DLG2: variants seen among roughly 807,000 people sequenced by gnomAD.
The protein encoded by DLG2 is disks large homolog 2.
Under a neutral mutation model 132.5 loss-of-function variants are expected in DLG2, and 45 were observed. That is an observed-to-expected ratio of 0.34 (90% CI 0.27 to 0.44). The LOEUF is 0.44. DLG2 is among the 20% of genes least tolerant of loss of function. The pLI is 1.00. For missense variants in DLG2, 1,045 were observed against 1,196.9 expected (o/e 0.87, Z 1.87); for synonymous variants, 424 against 419.6 (o/e 1.01, Z -0.13).
At chr11:83,477,148 C>T (rs760901164) in intron 22 of DLG2, among the ~76,000 whole-genome samples, 3 of 152,106 alleles carry the variant, frequency 2.0e-5, no homozygotes, top group Admixed American at 6.6e-5. Context: ...AAGAGCTTTA[C>T]TGAGCTTTGA....
intron 7 of DLG2, among the ~76,000 whole-genome samples, chr11:84,435,831 G>A (rs932484812): frequency 1.3e-5 from 2 of 151,980 alleles, no homozygotes; most frequent in Non-Finnish European, 2.9e-5. Flanking sequence ...TTGGGTCCAG[G>A]CTTGAAATAA....
chr11:85,137,376 G>A lies in DLG2; in HGVS notation c.282+17180C>T, dbSNP rs940169290. On this transcript the variant is annotated intron_variant, in intron 5 of 27. Coordinates refer to ENST00000376104, the MANE Select transcript of DLG2 (RefSeq NM_001142699.3). ...TTTTATAGTTAAGGAAACTGAAGTT[G>A]CTTGAGGTTCTATGACCTGCCGTGA... Among the ~76,000 whole-genome samples the A allele has an allele frequency of 2.0e-4, 30 of 152,114 alleles. 1 individual carries two copies. The highest frequency in any genetic ancestry group is 1.2e-3 in the East Asian group (6 of 5,196).
intron 6 of DLG2, among the ~76,000 whole-genome samples, chr11:84,600,168 GAAAGAAAGAAAGAAA>G (rs1565419166): frequency 1.8e-5 from 2 of 110,900 alleles, no homozygotes; most frequent in Non-Finnish European, 1.9e-5. Context: ...AGGAAAGAAA[GAAAGAAAGAAAGAAA>G]GAAAGAAAGA....
chr11:84,015,185 A>G (rs1156281975), intron 11 of DLG2, among the ~76,000 whole-genome samples: 1 of 152,164 alleles, frequency 6.6e-6, no homozygotes, highest in Non-Finnish European at 1.5e-5. Flanking sequence ...ATTTATAAGC[A>G]GAGGCTACTA....
intron 4 of DLG2, among the ~76,000 whole-genome samples, chr11:85,255,041 T>C (rs2076599480): frequency 6.6e-6 from 1 of 151,692 alleles, no homozygotes; most frequent in South Asian, 2.1e-4. Context: ...TGCCATTTGG[T>C]TGAAGAATCA....
chr11:84,042,031 T>G (rs1377297636), intron 11 of DLG2, among the ~76,000 whole-genome samples: 1 of 151,946 alleles, frequency 6.6e-6, no homozygotes, highest in East Asian at 1.9e-4. Context: ...CACGTGAAAC[T>G]GTAAGTTCAA....
At chr11:85,100,389 G>T (rs1262422457) in intron 6 of DLG2, among the ~76,000 whole-genome samples, 1 of 152,060 alleles carries the variant, frequency 6.6e-6, no homozygotes, top group Non-Finnish European at 1.5e-5. Flanking sequence ...TTTCAATGTA[G>T]GTAATTATTT....
intron 3 of DLG2, among the ~76,000 whole-genome samples, chr11:85,403,553 G>T (rs1167835960): frequency 6.6e-6 from 1 of 151,810 alleles, no homozygotes; most frequent in Non-Finnish European, 1.5e-5. Context: ...AAGAAGTCAG[G>T]TATAGAGGCA....
At chr11:85,251,916 T>G (rs2076414803) in intron 4 of DLG2, among the ~76,000 whole-genome samples, 1 of 152,192 alleles carries the variant, frequency 6.6e-6, no homozygotes, top group Non-Finnish European at 1.5e-5. Flanking sequence ...ATTGGTAATT[T>G]TATATTCTTT....
intron 6 of DLG2, among the ~76,000 whole-genome samples, chr11:84,549,429 A>G (rs2099397250): frequency 6.6e-6 from 1 of 152,212 alleles, no homozygotes; most frequent in East Asian, 1.9e-4. Flanking sequence ...ATTCACTACT[A>G]AAAGCTAGAA....
At chr11:85,482,853 T>C (rs2093331532) in intron 3 of DLG2, among the ~76,000 whole-genome samples, 1 of 152,134 alleles carries the variant, frequency 6.6e-6, no homozygotes. Flanking sequence ...AGTCTAGACC[T>C]TACAGACTAA....
intron 3 of DLG2, among the ~76,000 whole-genome samples, chr11:85,530,292 G>T (rs928189489): frequency 6.6e-6 from 1 of 150,828 alleles, no homozygotes. Flanking sequence ...CACTGCGCCT[G>T]GCCTTTTTTT....
At chr11:85,522,299 G>A (rs879617601) in intron 3 of DLG2, among the ~76,000 whole-genome samples, 7 of 152,178 alleles carry the variant, frequency 4.6e-5, no homozygotes, top group Non-Finnish European at 1.0e-4. Context: ...ACTGAGGTTT[G>A]GGGAACCTCT....
chr11:85,022,746 T>C (rs977481120), intron 6 of DLG2, among the ~76,000 whole-genome samples: 5 of 152,250 alleles, frequency 3.3e-5, no homozygotes, highest in Middle Eastern at 3.4e-3. Flanking sequence ...GAAAACTTGA[T>C]ATGTACCCGA....
chr11:84,558,562 T>A (rs1435306446), intron 6 of DLG2, among the ~76,000 whole-genome samples: 2 of 152,150 alleles, frequency 1.3e-5, no homozygotes, highest in Non-Finnish European at 2.9e-5. Context: ...CATTCTAGAC[T>A]CCTAATCCTG....
At chr11:83,611,188 G>A (rs573530947) in intron 19 of DLG2, among the ~76,000 whole-genome samples, 1 of 152,232 alleles carries the variant, frequency 6.6e-6, no homozygotes, top group East Asian at 1.9e-4. Context: ...ATTGTCTGTG[G>A]TGTTAAAAAA....
chr11:85,406,495 C>A (rs920835957), intron 3 of DLG2, among the ~76,000 whole-genome samples: 10 of 151,708 alleles, frequency 6.6e-5, no homozygotes, highest in South Asian at 2.1e-4. Context: ...ATCTAAGCAG[C>A]TGCTGTGGTG....
At position 84,407,167 on chromosome 11, in the gene DLG2, T is replaced by G. The variant is rs149372618; in HGVS notation, c.519+127403A>C. Among the ~76,000 whole-genome samples, 653 of 152,296 alleles carry G rather than the reference T, an allele frequency of 4.3e-3. 1 individual carries two copies. Among genetic ancestry groups the G allele is most frequent in the African/African-American group, 0.014 (599 of 41,558 alleles). ...TTGCTCTTCTCTGCCTGAATCTCTCTTTTGGAGACATGCCTAATATGTCAG... is the reference window on the plus strand; with the variant it reads ...TTGCTCTTCTCTGCCTGAATCTCTCGTTTGGAGACATGCCTAATATGTCAG... On this transcript the variant is annotated intron_variant, in intron 7 of 27. Transcript: ENST00000376104.
chr11:83,823,646 G>GTCAGTCATTCAT (rs1555009399), intron 17 of DLG2, among the ~76,000 whole-genome samples: 11 of 149,606 alleles, frequency 7.4e-5, no homozygotes, highest in African/African-American at 2.8e-4. Context: ...GCAAAGATGA[G>GTCAGTCATTCAT]TCATTCATTC....
Sources: allele counts gnomAD v4.1 joint callset (sites outside exome capture counted in the v4.1 genomes callset), GRCh38; gene constraint gnomAD v4.1.1; transcripts MANE v1.5; gene names NCBI Gene and HGNC (gene_info 2026-07-23, HGNC 2026-07-21).